The following FAM78B variants were observed in gnomAD, a reference collection of about 807,000 sequenced individuals.
The protein encoded by FAM78B is family with sequence similarity 78 member B.
A neutral mutation model predicts 20.0 loss-of-function variants in FAM78B; 10 were observed. That is an observed-to-expected ratio of 0.50 (90% CI 0.31 to 0.85). FAM78B has a LOEUF of 0.85. FAM78B is among the 40% of genes least tolerant of loss of function. The probability of loss-of-function intolerance (pLI) is 0.05; values close to 1 mark genes in which losing one functional copy is unlikely to be tolerated. For synonymous variants in FAM78B, 135 were observed against 132.8 expected, an observed-to-expected ratio of 1.02 and a Z score of -0.12; for missense variants, 283 against 345.0, an observed-to-expected ratio of 0.82 and a Z score of 1.42.
At chr1:166,097,395 G>A (rs1480223525) in intron 1 of FAM78B, among the ~76,000 whole-genome samples, 1 of 152,234 alleles carries the variant, frequency 6.6e-6, no homozygotes, top group Non-Finnish European at 1.5e-5. Context: ...CCAGCATACA[G>A]ACTGCACAGG....
intron 1 of FAM78B, among the ~76,000 whole-genome samples, chr1:166,111,317 T>C (rs1322402282): frequency 1.3e-5 from 2 of 152,212 alleles, no homozygotes; most frequent in Non-Finnish European, 2.9e-5. Flanking sequence ...GGTAAGGTTA[T>C]ATTGAATTTC....
chr1:166,116,132 C>T (rs1654242042), intron 1 of FAM78B, among the ~76,000 whole-genome samples: 1 of 152,194 alleles, frequency 6.6e-6, no homozygotes, highest in Non-Finnish European at 1.5e-5. Flanking sequence ...TTGCATTCTG[C>T]AGCTTTCATG....
intron 1 of FAM78B, among the ~76,000 whole-genome samples, chr1:166,152,655 G>GATTGATTTATTTATTTATTTATTT (rs369101683): frequency 7.1e-6 from 1 of 140,474 alleles, no homozygotes; most frequent in African/African-American, 2.9e-5. Context: ...TGGTACTCTG[G>GATTGATTTATTTATTTATTTATTT]ATTTATTTAT....
chr1:166,113,537 A>G (rs1443905755), intron 1 of FAM78B, among the ~76,000 whole-genome samples: 1 of 152,260 alleles, frequency 6.6e-6, no homozygotes, highest in Non-Finnish European at 1.5e-5. Flanking sequence ...TTTACCCTCC[A>G]AGGATATCTG....
Position 166,070,323 on chromosome 1 carries a change from A to G in FAM78B, c.704T>C (p.Val235Ala), listed in dbSNP as rs760385185. 6.2e-7 allele frequency: 1 copy of G among 1,603,070 alleles called. No individual in the cohort carries two copies. Among genetic ancestry groups the G allele is most frequent in the South Asian group, 1.1e-5 (1 of 89,232 alleles). The change falls in exon 2 of 2, where the codon GTG becomes GCG. Residue 235 changes from valine to alanine, a missense_variant. Coordinates refer to ENST00000354422, the MANE Select transcript of FAM78B (RefSeq NM_001017961.5). ...CTGGGCATCATTGGCATTGGGTTTC[A>G]CTAGTGCATTAGGGGGGATGGGTTC... ...RMEPIPPNAL[V>A]KPNANDAQVL...
intron 2 of FAM78B, among the ~76,000 whole-genome samples, chr1:166,063,553 T>A (rs1008509681): frequency 1.1e-4 from 16 of 146,356 alleles, no homozygotes; most frequent in African/African-American, 3.3e-4. Flanking sequence ...AGACTCCAGC[T>A]CTGTGAAAAA....
Position 166,133,643 on chromosome 1 carries a change from T to C in FAM78B, c.263+32343A>G, listed in dbSNP as rs891781490. 5.9e-5 allele frequency among the ~76,000 whole-genome samples: 9 copies of C among 151,628 alleles called. 1 individual carries two copies. Among genetic ancestry groups the C allele is most frequent in the African/African-American group, 1.9e-4 (8 of 41,322 alleles). The stretch of plus-strand genomic sequence containing the variant: ...CGTAAATATAATGTGAAATAGTGAA[T>C]CTGATTTTTGGTGGTTAGAAATGTA... On this transcript the variant is annotated intron_variant, in intron 1 of 1. Transcript: ENST00000354422.
At chr1:166,130,971 T>TC in intron 1 of FAM78B, among the ~76,000 whole-genome samples, 1 of 145,434 alleles carries the variant, frequency 6.9e-6, no homozygotes, top group East Asian at 2.0e-4. Flanking sequence ...TATCTGCATC[T>TC]CCCCAGGTGC....
chr1:166,125,362 A>G (rs7530896), intron 1 of FAM78B, among the ~76,000 whole-genome samples: 116,598 of 152,062 alleles, frequency 0.77, 45,044 homozygotes, highest in Non-Finnish European at 0.82. Context: ...TCAGTATGAG[A>G]GCCTATTTGT....
chr1:166,065,576 G>C (rs1335628733), downstream of FAM78B, among the ~76,000 whole-genome samples: 4 of 152,126 alleles, frequency 2.6e-5, no homozygotes, highest in Non-Finnish European at 5.9e-5. Context: ...GGGAATTTTA[G>C]GACCCTAAGG....
intron 1 of FAM78B, among the ~76,000 whole-genome samples, chr1:166,126,364 G>A (rs138461707): frequency 4.7e-4 from 72 of 152,292 alleles, no homozygotes; most frequent in East Asian, 2.9e-3. Flanking sequence ...ATATGGACAA[G>A]CAATAAACAC....
intron 1 of FAM78B, among the ~76,000 whole-genome samples, chr1:166,091,942 G>T (rs527935070): frequency 6.6e-6 from 1 of 151,738 alleles, no homozygotes; most frequent in Non-Finnish European, 1.5e-5. Flanking sequence ...ATTCTGTTAC[G>T]TTTTCTACCA....
intron 1 of FAM78B, among the ~76,000 whole-genome samples, chr1:166,140,186 G>C (rs1456007003): frequency 1.3e-5 from 2 of 152,146 alleles, no homozygotes; most frequent in African/African-American, 2.4e-5. Flanking sequence ...CCCCAGCAAG[G>C]CTTCAAATGT....
At chr1:166,152,215 A>G (rs1197632349) in intron 1 of FAM78B, among the ~76,000 whole-genome samples, 1 of 151,992 alleles carries the variant, frequency 6.6e-6, no homozygotes, top group Admixed American at 6.6e-5. Context: ...CCAGCTGGAG[A>G]TGTTACCCCA....
In FAM78B at chr1:166,070,333, TA is replaced by T; in HGVS notation, c.693del (p.Asn232MetfsTer3). 2 of 1,609,706 alleles carry T rather than the reference TA, an allele frequency of 1.2e-6. No homozygotes were observed. Among genetic ancestry groups the T allele is most frequent in the Non-Finnish European group, 1.7e-6 (2 of 1,177,542 alleles). The part of the protein sequence containing the change: ...RILSRMEPIP[P>X]NALVKPNAND... The stretch of plus-strand genomic sequence containing the variant: ...TTGGCATTGGGTTTCACTAGTGCAT[TA>T]GGGGGGATGGGTTCCATCCGGCTCA... On this transcript the variant is annotated frameshift_variant, in exon 2 of 2. Coordinates refer to ENST00000354422, the MANE Select transcript of FAM78B (RefSeq NM_001017961.5). LOFTEE classifies it high-confidence loss of function.
chr1:166,095,759 G>A (rs1045185525), intron 1 of FAM78B, among the ~76,000 whole-genome samples: 52 of 152,258 alleles, frequency 3.4e-4, no homozygotes, highest in African/African-American at 1.2e-3. Flanking sequence ...ACCCAGGTAG[G>A]TCTCTGGGAC....
At chr1:166,078,830 CG>C (rs1381597098) in intron 1 of FAM78B, among the ~76,000 whole-genome samples, 11 of 151,840 alleles carry the variant, frequency 7.2e-5, no homozygotes, top group African/African-American at 2.4e-4. Context: ...GGAGGACTGA[CG>C]GTTTTAAGCC....
At chr1:166,068,211 G>GA (rs1491417255), downstream of FAM78B, among the ~76,000 whole-genome samples, 4 of 152,168 alleles carry the variant, frequency 2.6e-5, no homozygotes, top group Admixed American at 1.3e-4. Context: ...CAGTCTGGGG[G>GA]AGAGAGTGCT....
downstream of FAM78B, among the ~76,000 whole-genome samples, chr1:166,066,968 T>C (rs1037604310): frequency 6.6e-6 from 1 of 152,146 alleles, no homozygotes; most frequent in Non-Finnish European, 1.5e-5. Flanking sequence ...GGGCCCATAT[T>C]AAGGGTTCAA....
Sources: allele counts gnomAD v4.1 joint callset (sites outside exome capture counted in the v4.1 genomes callset), GRCh38; gene constraint gnomAD v4.1.1; transcripts MANE v1.5; gene names NCBI Gene and HGNC (gene_info 2026-07-23, HGNC 2026-07-21).